LINGO2: variants seen among roughly 807,000 people sequenced by gnomAD.
LINGO2 encodes leucine-rich repeat and immunoglobulin-like domain-containing nogo receptor-interacting protein 2.
A neutral mutation model predicts 30.6 loss-of-function variants in LINGO2; 14 were observed. The observed-to-expected ratio is 0.46, with a 90% CI of 0.30 to 0.72. The LOEUF (loss-of-function observed/expected upper bound fraction) is 0.72, where lower values mean the gene tolerates loss of function less well. Among genes scored for constraint, LINGO2 ranks in the 30% least tolerant of loss-of-function variants. LINGO2 has a pLI of 0.07. For missense variants in LINGO2, 729 were observed against 751.7 expected (o/e 0.97, Z 0.35); for synonymous variants, 317 against 288.5 (o/e 1.10, Z -1.00).
the LINGO2 span, among the ~76,000 whole-genome samples, chr9:28,908,481 T>C: frequency 6.6e-6 from 1 of 151,868 alleles, no homozygotes; most frequent in South Asian, 2.1e-4. Context: ...CTGACTATCC[T>C]CTCTCACTTC....
intron 3 of LINGO2, among the ~76,000 whole-genome samples, chr9:28,344,706 C>CGG (rs1167052648): frequency 1.3e-5 from 2 of 150,174 alleles, no homozygotes; most frequent in African/African-American, 4.8e-5. Flanking sequence ...TAAAAAATAT[C>CGG]CACTCTCAAA....
chr9:28,038,564 G>A (rs1490598239), intron 4 of LINGO2, among the ~76,000 whole-genome samples: 4 of 151,902 alleles, frequency 2.6e-5, no homozygotes, highest in Non-Finnish European at 4.4e-5. Context: ...GTAGTGGTGG[G>A]CGCCTGTAGT....
the LINGO2 span, among the ~76,000 whole-genome samples, chr9:29,136,501 A>C: frequency 6.1e-4 from 93 of 152,182 alleles, 2 homozygotes; most frequent in Admixed American, 6.1e-3. Flanking sequence ...GATATCTAAT[A>C]TTTTTATTAC....
the LINGO2 span, among the ~76,000 whole-genome samples, chr9:28,731,620 C>T: frequency 6.6e-6 from 1 of 152,028 alleles, no homozygotes; most frequent in African/African-American, 2.4e-5. Flanking sequence ...CTACTTGGGA[C>T]ATTAAGGAAT....
the LINGO2 span, among the ~76,000 whole-genome samples, chr9:28,698,364 C>A: frequency 8.6e-4 from 130 of 152,042 alleles, no homozygotes; most frequent in East Asian, 0.024. Context: ...ATTATCATAT[C>A]TTTTCAATGG....
the LINGO2 span, among the ~76,000 whole-genome samples, chr9:29,081,148 C>G: frequency 6.6e-6 from 1 of 152,058 alleles, no homozygotes; most frequent in Non-Finnish European, 1.5e-5. Context: ...GACCAATATC[C>G]CTGATGAACA....
intron 3 of LINGO2, among the ~76,000 whole-genome samples, chr9:28,368,698 A>T (rs541525368): frequency 1.3e-4 from 20 of 149,914 alleles, no homozygotes; most frequent in Non-Finnish European, 2.4e-4. Flanking sequence ...CCGAGTTCAC[A>T]CCATTCTCCT....
intron 4 of LINGO2, among the ~76,000 whole-genome samples, chr9:28,160,108 T>C (rs889687346): frequency 2.0e-5 from 3 of 152,008 alleles, no homozygotes; most frequent in African/African-American, 4.8e-5. Flanking sequence ...ATAGCAACTA[T>C]GAAAAAAAAA....
At chr9:29,140,414 G>T in the LINGO2 span, among the ~76,000 whole-genome samples, 1 of 151,266 alleles carries the variant, frequency 6.6e-6, no homozygotes. Flanking sequence ...CTCAACAGAG[G>T]GATTTAACAG....
At chr9:27,973,021 C>G (rs904754861) in intron 5 of LINGO2, among the ~76,000 whole-genome samples, 5 of 152,172 alleles carry the variant, frequency 3.3e-5, no homozygotes, top group African/African-American at 9.7e-5. Flanking sequence ...CTCCTATTCT[C>G]TGATATGGGA....
the LINGO2 span, among the ~76,000 whole-genome samples, chr9:28,727,489 C>T: frequency 6.6e-6 from 1 of 152,090 alleles, no homozygotes; most frequent in African/African-American, 2.4e-5. Context: ...GGGGTTTCAA[C>T]GTGTTAGCCA....
At chr9:28,554,741 A>T (rs1256144614) in intron 1 of LINGO2, among the ~76,000 whole-genome samples, 1 of 113,786 alleles carries the variant, frequency 8.8e-6, no homozygotes, top group Admixed American at 9.4e-5. Flanking sequence ...TTGACCACAT[A>T]CTTGGAAGTA....
intron 5 of LINGO2, among the ~76,000 whole-genome samples, chr9:27,982,747 A>G (rs570098700): frequency 1.3e-5 from 2 of 151,970 alleles, no homozygotes; most frequent in Non-Finnish European, 2.9e-5. Context: ...CTGGATATGA[A>G]TCTTAGCTAT....
chr9:28,017,274 C>G (rs892990648), intron 4 of LINGO2, among the ~76,000 whole-genome samples: 1 of 152,114 alleles, frequency 6.6e-6, no homozygotes, highest in African/African-American at 2.4e-5. Flanking sequence ...TCCTTGAGAA[C>G]TAGAATACCA....
At chr9:28,163,560 A>G (rs1477625655) in intron 4 of LINGO2, among the ~76,000 whole-genome samples, 1 of 152,196 alleles carries the variant, frequency 6.6e-6, no homozygotes, top group Non-Finnish European at 1.5e-5. Flanking sequence ...CACATGGCCT[A>G]GGAGTAATGA....
intron 4 of LINGO2, among the ~76,000 whole-genome samples, chr9:28,266,853 C>T (rs1221137517): frequency 6.6e-6 from 1 of 151,930 alleles, no homozygotes; most frequent in Admixed American, 6.6e-5. Flanking sequence ...GTATTAATGC[C>T]CATGTCAAGG....
chr9:28,413,842 T>C (rs1289584150), intron 2 of LINGO2, among the ~76,000 whole-genome samples: 1 of 152,152 alleles, frequency 6.6e-6, no homozygotes, highest in Non-Finnish European at 1.5e-5. Flanking sequence ...AAGCCAGGAT[T>C]CTGTTACTAA....
intron 3 of LINGO2, among the ~76,000 whole-genome samples, chr9:28,313,644 C>G (rs1032244852): frequency 1.3e-5 from 2 of 152,150 alleles, no homozygotes; most frequent in African/African-American, 4.8e-5. Context: ...GAATCACCCT[C>G]AAACTTATTC....
At chr9:28,398,217 A>G (rs1269945987) in intron 2 of LINGO2, among the ~76,000 whole-genome samples, 4 of 152,216 alleles carry the variant, frequency 2.6e-5, no homozygotes, top group African/African-American at 4.8e-5. Flanking sequence ...TACAGCATCA[A>G]TGATATATAC....
Sources: gnomAD v4.1 joint callset for allele counts (sites outside exome capture counted in the v4.1 genomes callset) on GRCh38, gnomAD v4.1.1 for gene constraint, MANE v1.5 for transcripts, NCBI Gene and HGNC (gene_info 2026-07-23, HGNC 2026-07-21) for gene names.